BPTF: variants seen among roughly 807,000 people sequenced by gnomAD.
BPTF encodes bromodomain PHD finger transcription factor, also known as nucleosome-remodeling factor subunit BPTF.
Under a neutral mutation model 292.5 loss-of-function variants are expected in BPTF, and 18 were observed. The ratio of observed to expected loss-of-function variants is 0.06; its 90% CI spans 0.04 to 0.09. The LOEUF is 0.09. Among genes scored for constraint, BPTF ranks in the 10% least tolerant of loss-of-function variants. BPTF has a pLI of 1.00. For synonymous variants in BPTF, 1,225 were observed against 1,251.9 expected (o/e 0.98, Z 0.45); for missense variants, 2,726 against 3,498.7 (o/e 0.78, Z 5.57).
intron 2 of BPTF, among the ~76,000 whole-genome samples, chr17:67,856,872 C>G (rs1447384635): frequency 6.6e-6 from 1 of 152,126 alleles, no homozygotes; most frequent in Non-Finnish European, 1.5e-5. Context: ...TCCAGGGAAC[C>G]TCAGTTTACC....
chr17:67,968,507 G>A (rs538737722), intron 26 of BPTF, among the ~76,000 whole-genome samples: 11 of 151,486 alleles, frequency 7.3e-5, no homozygotes, highest in South Asian at 4.2e-4. Flanking sequence ...GGTCAGGTGC[G>A]GTGGCTCACG....
intron 4 of BPTF, chr17:67,886,023 A>T (rs1482781281): frequency 2.2e-6 from 2 of 897,302 alleles, no homozygotes; most frequent in African/African-American, 3.3e-5. Flanking sequence ...ATTTTCTTTT[A>T]AAAATACAGC....
chr17:67,980,558 G>A (rs1357029773), intron 27 of BPTF, among the ~76,000 whole-genome samples: 1 of 152,166 alleles, frequency 6.6e-6, no homozygotes, highest in Non-Finnish European at 1.5e-5. Flanking sequence ...TAACTGTGAG[G>A]TAGAAGCCAA....
At chr17:67,853,271 A>C (rs2058518568) in intron 1 of BPTF, among the ~76,000 whole-genome samples, 1 of 152,220 alleles carries the variant, frequency 6.6e-6, no homozygotes, top group Non-Finnish European at 1.5e-5. Context: ...ACTGACTGTT[A>C]AGAAATGTAG....
chr17:67,834,998 A>C (rs1384069168), intron 1 of BPTF, among the ~76,000 whole-genome samples: 1 of 152,330 alleles, frequency 6.6e-6, no homozygotes, highest in East Asian at 1.9e-4. Context: ...AGATCACTTA[A>C]GGCAGCAGTT....
At chr17:67,976,913 TA>T (rs1219591042) in intron 27 of BPTF, among the ~76,000 whole-genome samples, 2 of 151,938 alleles carry the variant, frequency 1.3e-5, no homozygotes, top group African/African-American at 4.8e-5. Flanking sequence ...ATAAACATCA[TA>T]AACCAGGTAG....
At chr17:67,880,958 TACAC>T (rs71993218) in intron 4 of BPTF, among the ~76,000 whole-genome samples, 74 of 148,876 alleles carry the variant, frequency 5.0e-4, no homozygotes, top group Admixed American at 1.1e-3. Context: ...TATATATATA[TACAC>T]ACACACACAC....
In BPTF at chr17:67,948,301, G is replaced by A. The variant is rs1442234846; in HGVS notation, c.7921G>A (p.Val2641Met). The A allele has an allele frequency of 5.6e-6, 9 of 1,611,648 alleles. No individual in the cohort carries two copies. Among genetic ancestry groups the A allele is most frequent in the African/African-American group, 1.3e-5 (1 of 74,894 alleles). The change falls in exon 23 of 28, where the codon GTG (valine) becomes ATG (methionine). Residue 2641 changes from valine to methionine, a missense_variant. By Grantham distance (21) the Val-to-Met change is conservative. This residue lies in a region of BPTF where 148 missense variants were observed against 145.5 expected (regional missense o/e 1.02). Coordinates refer to ENST00000306378, the MANE Select transcript of BPTF (RefSeq NM_182641.4). ...CCTGGACAAGGATCTGCAAATTGAAGTGCAGGTAAGAGGGCACATCCTTTT... is the reference window on the plus strand; with the variant it reads ...CCTGGACAAGGATCTGCAAATTGAAATGCAGGTAAGAGGGCACATCCTTTT... ...ALLDKDLQIE[V>M]QEELKRDLKI...
intron 26 of BPTF, 150 bp from the exon 27 acceptor site, chr17:67,975,622 T>G: frequency 1.7e-6 from 1 of 575,990 alleles, no homozygotes; most frequent in Non-Finnish European, 2.9e-6. Context: ...CTTTTGTTCT[T>G]TATGAATTGC....
chr17:67,962,875 T>G (rs1373967604), intron 24 of BPTF, among the ~76,000 whole-genome samples: 1 of 152,222 alleles, frequency 6.6e-6, no homozygotes, highest in Non-Finnish European at 1.5e-5. Context: ...TTGCTTTGTT[T>G]TCAAATTTAA....
intron 4 of BPTF, among the ~76,000 whole-genome samples, chr17:67,890,198 A>G (rs1461785203): frequency 1.3e-5 from 2 of 152,190 alleles, no homozygotes; most frequent in Admixed American, 6.5e-5. Context: ...AAATACATCA[A>G]ACTTGCTTAA....
At chr17:67,832,853 T>G (rs1231713963) in intron 1 of BPTF, among the ~76,000 whole-genome samples, 27 of 144,036 alleles carry the variant, frequency 1.9e-4, no homozygotes, top group African/African-American at 7.0e-4. Flanking sequence ...AGTGGCGGGA[T>G]CTCAGCTCAC....
Position 67,826,256 on chromosome 17 carries a change from G to A in BPTF, c.532G>A (p.Glu178Lys). 1.9e-6 allele frequency: 3 copies of A among 1,613,564 alleles called. No homozygotes were observed. Among genetic ancestry groups the A allele is most frequent in the Non-Finnish European group, 2.5e-6 (3 of 1,179,794 alleles). The change falls in exon 1 of 28, where the codon GAG becomes AAG. Residue 178 changes from glutamate to lysine, a missense_variant. Physicochemically the swap from Glu to Lys is moderately conservative, Grantham distance 56. Around this residue, in one of 22 missense-constraint regions of BPTF, gnomAD observed 153 missense variants for 178.3 expected, o/e 0.86. Coordinates refer to ENST00000306378, the MANE Select transcript of BPTF (RefSeq NM_182641.4). ...CGACGATGACTCCGATTATCCGGAG[G>A]AGATGGAAGACGACGACGACGACGC... is the stretch of plus-strand genomic sequence containing the variant. ...EDDDDSDYPE[E>K]MEDDDDDASY...
At chr17:67,929,843 C>T (rs891889892) in intron 17 of BPTF, among the ~76,000 whole-genome samples, 3 of 152,168 alleles carry the variant, frequency 2.0e-5, no homozygotes, top group South Asian at 2.1e-4. Context: ...GGGCCAGGTG[C>T]GGCGGCTCAC....
chr17:67,928,610 C>T lies in BPTF; in HGVS notation c.5998+9C>T. On this transcript the variant is annotated intron_variant, in intron 16 of 27. Transcript: ENST00000306378. ...AGGCCAGTCAAATTCAGGTATGGAA[C>T]TATCATTAAGTAAAAGATTACTTTG... The T allele has an allele frequency of 6.3e-7, 1 of 1,595,000 alleles. No homozygotes were observed. The highest frequency in any genetic ancestry group is 8.6e-7 in the Non-Finnish European group (1 of 1,168,742).
At chr17:67,974,996 C>A (rs1356702396) in intron 26 of BPTF, 1 of 152,228 alleles carries the variant, frequency 6.6e-6, no homozygotes, top group Non-Finnish European at 1.5e-5. Flanking sequence ...CTAGGTCTTT[C>A]CGGTGACCAG....
chr17:67,975,550 C>A, intron 26 of BPTF: 2 of 455,984 alleles, frequency 4.4e-6, no homozygotes, highest in Non-Finnish European at 7.7e-6. Flanking sequence ...GTAAAAGAAC[C>A]TTAACAGCAA....
At chr17:67,937,528 G>C (rs1291503013) in intron 18 of BPTF, among the ~76,000 whole-genome samples, 1 of 152,180 alleles carries the variant, frequency 6.6e-6, no homozygotes, top group Non-Finnish European at 1.5e-5. Context: ...ATGAAATTTG[G>C]ATAAAGACCT....
At chr17:67,885,999 T>C in intron 4 of BPTF, 1 of 708,112 alleles carries the variant, frequency 1.4e-6, no homozygotes, top group Non-Finnish European at 2.4e-6. Flanking sequence ...ATTGCATTAC[T>C]GATACATGAA....
Sources: gnomAD v4.1 joint callset for allele counts (sites outside exome capture counted in the v4.1 genomes callset) on GRCh38, gnomAD v4.1.1 for gene constraint, gnomAD v4.1.1 regional missense constraint, MANE v1.5 for transcripts, NCBI Gene and HGNC (gene_info 2026-07-23, HGNC 2026-07-21) for gene names.